PKHD1: variants seen among roughly 807,000 people sequenced by gnomAD.
PKHD1 encodes the protein fibrocystin.
In PKHD1, 291 loss-of-function variants were observed where a neutral mutation model predicts 412.0. The ratio of observed to expected loss-of-function variants is 0.71; its 90% CI spans 0.64 to 0.78. PKHD1 has a LOEUF of 0.78. PKHD1 is among the 30% of genes least tolerant of loss of function. The pLI, the probability that PKHD1 is intolerant of heterozygous loss-of-function variation, is 0.00. For synonymous variants in PKHD1, 1,777 were observed against 1,821.5 expected (o/e 0.98, Z 0.62); for missense variants, 4,825 against 4,950.7 (o/e 0.97, Z 0.76).
At chr6:51,894,233 C>G (rs139615476) in intron 43 of PKHD1, among the ~76,000 whole-genome samples, 3 of 152,142 alleles carry the variant, frequency 2.0e-5, no homozygotes, top group Admixed American at 6.5e-5. Flanking sequence ...AAAGAACCAC[C>G]ACCAACTTGC....
At position 51,837,857 on chromosome 6, in the gene PKHD1, TA is replaced by T. The variant is rs1769511340; in HGVS notation, c.8108-1389del. On this transcript the variant is annotated intron_variant, in intron 50 of 66. Coordinates refer to ENST00000371117, the MANE Select transcript of PKHD1 (RefSeq NM_138694.4). The stretch of plus-strand genomic sequence containing the variant: ...TCTTTTTAAAATTTTTCTAAGGATG[TA>T]AAGCATGAGTTTGTGTCTTTCTCCT... Among the ~76,000 whole-genome samples, 3 of 152,358 alleles carry T rather than the reference TA, an allele frequency of 2.0e-5. No homozygotes were observed. The South Asian group carries it at 6.2e-4, about 32-fold the overall frequency.
intron 43 of PKHD1, among the ~76,000 whole-genome samples, chr6:51,888,998 C>T (rs1778669305): frequency 2.6e-5 from 4 of 151,818 alleles, no homozygotes; most frequent in Non-Finnish European, 5.9e-5. Context: ...GAGTGGTTGT[C>T]CAAAGTCAAG....
intron 36 of PKHD1, among the ~76,000 whole-genome samples, chr6:51,942,965 G>A (rs1340103431): frequency 1.3e-5 from 2 of 151,512 alleles, no homozygotes; most frequent in East Asian, 1.9e-4. Context: ...CCCAAGTCAG[G>A]AAACTAAAAT....
intron 65 of PKHD1, among the ~76,000 whole-genome samples, chr6:51,630,309 A>G (rs1767770849): frequency 6.6e-6 from 1 of 152,146 alleles, no homozygotes; most frequent in Non-Finnish European, 1.5e-5. Flanking sequence ...TTCTTCATAT[A>G]CTTCAGCAAA....
At chr6:51,725,493 A>C (rs879232408) in intron 60 of PKHD1, among the ~76,000 whole-genome samples, 1 of 152,164 alleles carries the variant, frequency 6.6e-6, no homozygotes, top group African/African-American at 2.4e-5. Flanking sequence ...ATGGAGAGAA[A>C]GAGAAGAGGA....
chr6:51,747,013 T>C (rs1202425726), intron 58 of PKHD1, 124 bp from the exon 59 acceptor site: 6 of 649,366 alleles, frequency 9.2e-6, no homozygotes, highest in Non-Finnish European at 1.6e-5. Flanking sequence ...CTATCCAGGA[T>C]AGCCTTAGGA....
intron 48 of PKHD1, among the ~76,000 whole-genome samples, chr6:51,864,949 ACCTAAAGTTTGGGATAGATAAAT>A (rs989955001): frequency 2.0e-5 from 3 of 152,136 alleles, no homozygotes; most frequent in Admixed American, 6.5e-5. Context: ...AAAAATGTTT[ACCTAAAGTTTGGGATAGATAAAT>A]CCAAGAACTA....
chr6:51,627,157 G>T (rs1282508500), intron 65 of PKHD1, 41 bp from the exon 66 acceptor site: 2 of 1,523,056 alleles, frequency 1.3e-6, no homozygotes, highest in Non-Finnish European at 1.8e-6. Context: ...TTGTTCAGTT[G>T]TAAGTGGGAC....
At position 52,020,959 on chromosome 6, in the gene PKHD1, G is replaced by A. The variant is rs138060431; in HGVS notation, c.5380+1842C>T. Among the ~76,000 whole-genome samples, 82 of 151,960 alleles carry A rather than the reference G, an allele frequency of 5.4e-4. 1 individual carries two copies. In the East Asian group the frequency reaches 0.012, roughly 22 times the overall value. On this transcript the variant is annotated intron_variant, in intron 33 of 66. Transcript: ENST00000371117. ...TCATACACTCAAAATGCTTCATCCA[G>A]TTTCAGCGGGTTAACAGAATCCCCA...
chr6:51,645,675 G>T (rs956921147), intron 63 of PKHD1, among the ~76,000 whole-genome samples: 1 of 152,154 alleles, frequency 6.6e-6, no homozygotes, highest in Non-Finnish European at 1.5e-5. Flanking sequence ...TTACAGGCAC[G>T]AACCGCCGTT....
intron 25 of PKHD1, among the ~76,000 whole-genome samples, chr6:52,044,178 T>C (rs1562215700): frequency 1.3e-5 from 2 of 152,320 alleles, no homozygotes; most frequent in South Asian, 4.1e-4. Flanking sequence ...GACACTTTAC[T>C]TGGGGTCTCT....
At chr6:51,865,709 T>C (rs540603857) in intron 48 of PKHD1, among the ~76,000 whole-genome samples, 1 of 152,296 alleles carries the variant, frequency 6.6e-6, no homozygotes, top group African/African-American at 2.4e-5. Context: ...CAAAAGATCA[T>C]AACTGTGAGA....
intron 43 of PKHD1, among the ~76,000 whole-genome samples, chr6:51,901,309 G>A (rs915679259): frequency 6.6e-6 from 1 of 152,152 alleles, no homozygotes; most frequent in Admixed American, 6.5e-5. Context: ...AGAAAACGTG[G>A]CACATATATA....
At chr6:51,959,772 A>G in intron 36 of PKHD1, 98 bp downstream of exon 36, 1 of 1,112,986 alleles carries the variant, frequency 9.0e-7, no homozygotes, top group Non-Finnish European at 1.4e-6. Flanking sequence ...ATTGTCAACT[A>G]AGTTCTGGAA....
intron 64 of PKHD1, 27 bp downstream of exon 64, chr6:51,638,822 G>T: frequency 5.6e-4 from 567 of 1,007,154 alleles, no homozygotes; most frequent in Non-Finnish European, 7.7e-4. Context: ...AAAAAACACA[G>T]AATAAAAGCA....
chr6:51,753,385 C>T (rs544619560), intron 56 of PKHD1, 32 bp from the exon 57 acceptor site: 1 of 1,584,518 alleles, frequency 6.3e-7, no homozygotes, highest in South Asian at 1.1e-5. Context: ...GAAAAAAAAA[C>T]TTTAAAAACC....
At chr6:51,740,457 T>TA (rs1403979598) in intron 60 of PKHD1, among the ~76,000 whole-genome samples, 2 of 152,140 alleles carry the variant, frequency 1.3e-5, no homozygotes, top group Non-Finnish European at 2.9e-5. Flanking sequence ...GAGATATGTT[T>TA]AAAAAAATAT....
intron 60 of PKHD1, among the ~76,000 whole-genome samples, chr6:51,687,361 TA>T (rs754713373): frequency 2.6e-5 from 4 of 152,246 alleles, no homozygotes; most frequent in Non-Finnish European, 5.9e-5. Context: ...CATTATGTGT[TA>T]ATAATAGATC....
intron 9 of PKHD1, 76 bp downstream of exon 9, chr6:52,070,930 T>A: frequency 1.2e-6 from 1 of 864,340 alleles, no homozygotes; most frequent in Middle Eastern, 2.2e-4. Context: ...TGAGAACCAA[T>A]CTTGCAATTG....
Sources: gnomAD v4.1 joint callset for allele counts (sites outside exome capture counted in the v4.1 genomes callset) on GRCh38, gnomAD v4.1.1 for gene constraint, MANE v1.5 for transcripts, NCBI Gene and HGNC (gene_info 2026-07-23, HGNC 2026-07-21) for gene names.